The following STK24 variants were observed in gnomAD, a reference collection of about 807,000 sequenced individuals.
The protein encoded by STK24 is serine/threonine kinase 24.
Under a neutral mutation model 55.6 loss-of-function variants are expected in STK24, and 21 were observed. The ratio of observed to expected loss-of-function variants is 0.38; its 90% CI spans 0.27 to 0.54. The LOEUF (loss-of-function observed/expected upper bound fraction) is 0.54, where lower values mean the gene tolerates loss of function less well. STK24 is among the 20% of genes least tolerant of loss of function. STK24 has a pLI of 0.79. For synonymous variants in STK24, 200 were observed against 215.2 expected, an observed-to-expected ratio of 0.93 and a Z score of 0.62; for missense variants, 383 against 538.4, an observed-to-expected ratio of 0.71 and a Z score of 2.86.
intron 1 of STK24, among the ~76,000 whole-genome samples, chr13:98,541,753 C>T (rs1896894386): frequency 6.6e-6 from 1 of 152,124 alleles, no homozygotes; most frequent in Non-Finnish European, 1.5e-5. Flanking sequence ...CAGCCTGTGC[C>T]CTCATCCATG....
Position 98,505,593 on chromosome 13 carries a change from A to G in STK24, c.273+13650T>C, listed in dbSNP as rs1236864062. ...ATAATCGAAAGCCAATCTCATACCA[A>G]GCCAACCAAAAATAATCAAAATTCT... is the stretch of plus-strand genomic sequence containing the variant. On this transcript the variant is annotated intron_variant, in intron 2 of 10. Coordinates refer to ENST00000539966, the MANE Select transcript of STK24 (RefSeq NM_001032296.4). 3.3e-5 allele frequency among the ~76,000 whole-genome samples: 5 copies of G among 152,362 alleles called. No individual in the cohort carries two copies. The East Asian group carries it at 9.6e-4, about 29-fold the overall frequency.
chr13:98,526,999 A>C (rs532344825), intron 1 of STK24, among the ~76,000 whole-genome samples: 1 of 152,366 alleles, frequency 6.6e-6, no homozygotes, highest in South Asian at 2.1e-4. Flanking sequence ...TATGTGTCAG[A>C]TTCCCTGAGA....
At chr13:98,522,273 G>C (rs1896290169) in intron 1 of STK24, among the ~76,000 whole-genome samples, 2 of 152,128 alleles carry the variant, frequency 1.3e-5, no homozygotes, top group Non-Finnish European at 2.9e-5. Context: ...CTTACTCTAG[G>C]TCCCAGCCTG....
In STK24 at chr13:98,452,794, A is replaced by G. The variant is rs571176342; in HGVS notation, c.*379T>C. 48 of 184,564 alleles carry G rather than the reference A, an allele frequency of 2.6e-4. No homozygotes were observed. The highest frequency in any genetic ancestry group is 1.0e-3 in the African/African-American group (44 of 42,454). 11.4% of individuals were successfully genotyped at this position (184,564 alleles called of 1,614,324 possible). A position where few individuals can be genotyped will look rare whatever the true frequency, so the allele number is the denominator to read the frequency against. Reference sequence around the variant, plus strand: ...TCTCCAGCTCCCAGAGGGAGTTATCAACTTAAAGCAGGATACCTGAGGTTT... The same window carrying G: ...TCTCCAGCTCCCAGAGGGAGTTATCGACTTAAAGCAGGATACCTGAGGTTT... On this transcript the variant is annotated 3_prime_UTR_variant, in exon 11 of 11. Transcript: ENST00000539966.
chr13:98,558,349 G>A (rs1407623835), intron 1 of STK24, among the ~76,000 whole-genome samples: 2 of 152,190 alleles, frequency 1.3e-5, no homozygotes, highest in Non-Finnish European at 2.9e-5. Context: ...AATTTTGACA[G>A]GAGGAATCCT....
At chr13:98,554,392 C>T (rs944707536) in intron 1 of STK24, among the ~76,000 whole-genome samples, 6 of 152,306 alleles carry the variant, frequency 3.9e-5, no homozygotes, top group South Asian at 2.1e-4. Flanking sequence ...ACAACACAGG[C>T]GCTCCAATGT....
chr13:98,570,880 C>T (rs1897720770), intron 1 of STK24, among the ~76,000 whole-genome samples: 1 of 152,174 alleles, frequency 6.6e-6, no homozygotes, highest in East Asian at 1.9e-4. Flanking sequence ...ACTACTCCGA[C>T]GACAGTGGCT....
At chr13:98,546,927 T>G (rs34113440) in intron 1 of STK24, among the ~76,000 whole-genome samples, 27,603 of 151,988 alleles carry the variant, frequency 0.18, 2,594 homozygotes, top group South Asian at 0.25. Flanking sequence ...TTGTTTGTTT[T>G]TGAGATGGAG....
chr13:98,554,780 C>A (rs1897242955), intron 1 of STK24, among the ~76,000 whole-genome samples: 1 of 152,020 alleles, frequency 6.6e-6, no homozygotes, highest in East Asian at 1.9e-4. Flanking sequence ...TTTGGGAGGC[C>A]AAGGCAGGCA....
intron 1 of STK24, among the ~76,000 whole-genome samples, chr13:98,521,609 CT>C (rs906803591): frequency 6.6e-6 from 1 of 152,182 alleles, no homozygotes; most frequent in African/African-American, 2.4e-5. Flanking sequence ...CTGACTCCCC[CT>C]ACACGCGGCC....
intron 4 of STK24, 134 bp from the exon 5 acceptor site, chr13:98,475,112 C>T (rs1484849507): frequency 7.1e-7 from 1 of 1,408,502 alleles, no homozygotes; most frequent in Non-Finnish European, 9.5e-7. Context: ...TTTGTCAGAC[C>T]CCCTCAAAGC....
At chr13:98,470,307 G>A (rs921220995) in intron 5 of STK24, among the ~76,000 whole-genome samples, 1 of 32,256 alleles carries the variant, frequency 3.1e-5, no homozygotes, top group Admixed American at 2.0e-4. Flanking sequence ...GGTGGGAGTC[G>A]GGGGGGCAAG....
chr13:98,474,936 G>T lies in STK24; in HGVS notation c.482C>A (p.Ala161Glu). Reference sequence around the variant, plus strand: ...CAGCTGGCCAGCCACGCCAAAGTCCGCCAGCTTCACCTCGCCATGCTCAGA... The same window carrying T: ...CAGCTGGCCAGCCACGCCAAAGTCCTCCAGCTTCACCTCGCCATGCTCAGA... ...LLSEHGEVKL[A>E]DFGVAGQLTD... The change falls in exon 5 of 11, where the codon GCG becomes GAG. Residue 161 changes from alanine to glutamate, a missense_variant. Coordinates refer to ENST00000539966, the MANE Select transcript of STK24 (RefSeq NM_001032296.4). The T allele has an allele frequency of 6.2e-7, 1 of 1,613,924 alleles. No individual in the cohort carries two copies. The highest frequency in any genetic ancestry group is 8.5e-7 in the Non-Finnish European group (1 of 1,179,930).
At chr13:98,464,565 C>T (rs1178928562) in intron 6 of STK24, among the ~76,000 whole-genome samples, 1 of 131,714 alleles carries the variant, frequency 7.6e-6, no homozygotes, top group Non-Finnish European at 1.6e-5. Context: ...GGCACGATTT[C>T]GGCTCACTAC....
intron 1 of STK24, among the ~76,000 whole-genome samples, chr13:98,569,831 A>C (rs1897691428): frequency 7.0e-6 from 1 of 141,880 alleles, no homozygotes; most frequent in South Asian, 2.2e-4. Flanking sequence ...TCCAAAGTCT[A>C]TAGACAATGC....
chr13:98,489,720 C>T (rs1199569875), intron 2 of STK24, among the ~76,000 whole-genome samples: 1 of 152,134 alleles, frequency 6.6e-6, no homozygotes, highest in Non-Finnish European at 1.5e-5. Context: ...TTCTCACAGG[C>T]TCAGGTGGAG....
chr13:98,484,905 C>T (rs148368327), intron 2 of STK24, among the ~76,000 whole-genome samples: 228 of 152,274 alleles, frequency 1.5e-3, no homozygotes, highest in African/African-American at 5.1e-3. Flanking sequence ...TGGTAGCAGA[C>T]GCGCTGGGTG....
intron 1 of STK24, among the ~76,000 whole-genome samples, chr13:98,554,633 T>C (rs945398801): frequency 1.3e-5 from 2 of 152,214 alleles, no homozygotes; most frequent in African/African-American, 2.4e-5. Flanking sequence ...AAGACCAGCC[T>C]GAGCAAGGTA....
intron 1 of STK24, among the ~76,000 whole-genome samples, chr13:98,552,394 A>G (rs1358217890): frequency 6.6e-6 from 1 of 152,150 alleles, no homozygotes; most frequent in East Asian, 1.9e-4. Context: ...TGGGGACACA[A>G]GTGGCTACGG....
Sources: allele counts gnomAD v4.1 joint callset (sites outside exome capture counted in the v4.1 genomes callset), GRCh38; gene constraint gnomAD v4.1.1; transcripts MANE v1.5; gene names NCBI Gene and HGNC (gene_info 2026-07-23, HGNC 2026-07-21).